The following GPR107 variants were observed in gnomAD, a reference collection of about 807,000 sequenced individuals.
GPR107 encodes G protein-coupled receptor 107.
GPR107 carries 31 observed loss-of-function variants against 75.5 expected under a neutral mutation model. The ratio of observed to expected loss-of-function variants is 0.41; its 90% CI spans 0.31 to 0.55. The LOEUF (loss-of-function observed/expected upper bound fraction) is 0.55, where lower values mean the gene tolerates loss of function less well. GPR107 is among the 20% of genes least tolerant of loss of function. The pLI, the probability that GPR107 is intolerant of heterozygous loss-of-function variation, is 0.26. For missense variants in GPR107, 572 were observed against 665.7 expected (o/e 0.86, Z 1.55); for synonymous variants, 267 against 251.3 (o/e 1.06, Z -0.59).
In GPR107 at chr9:130,101,230, G is replaced by T. The variant is rs376743483; in HGVS notation, c.1131+7G>T. The stretch of plus-strand genomic sequence containing the variant: ...GATTGTCATTCCACTCCAGGTAAAA[G>T]AACCCTCATCCCATTTGTCACTTCC... On this transcript the variant is annotated splice_region_variant and intron_variant, in intron 12 of 17. Transcript: ENST00000347136. 5 of 1,365,878 alleles carry T rather than the reference G, an allele frequency of 3.7e-6. No individual in the cohort carries two copies. The highest frequency in any genetic ancestry group is 5.2e-6 in the Non-Finnish European group (5 of 953,316). The allele number at this position is 1,365,878 out of a possible 1,614,324, so 84.6% of individuals were successfully genotyped here. A position where few individuals can be genotyped will look rare whatever the true frequency, so the allele number is the denominator to read the frequency against.
chr9:130,108,142 A>C (rs926138402), intron 14 of GPR107, among the ~76,000 whole-genome samples: 3 of 152,248 alleles, frequency 2.0e-5, no homozygotes, highest in African/African-American at 7.2e-5. Context: ...AATAATGTTC[A>C]TGACCACAGG....
intron 15 of GPR107, among the ~76,000 whole-genome samples, chr9:130,125,619 T>G (rs1831656979): frequency 1.4e-5 from 1 of 70,182 alleles, no homozygotes; most frequent in African/African-American, 5.7e-5. Flanking sequence ...TTTTTTTTTT[T>G]GAGACGGAGT....
intron 17 of GPR107, among the ~76,000 whole-genome samples, chr9:130,131,317 T>C (rs1233619516): frequency 1.3e-5 from 2 of 152,050 alleles, no homozygotes; most frequent in East Asian, 3.9e-4. Flanking sequence ...CAGGTGTCCC[T>C]TCAGCTTCCC....
chr9:130,069,396 C>T (rs1445134349), intron 1 of GPR107, among the ~76,000 whole-genome samples: 2 of 152,172 alleles, frequency 1.3e-5, no homozygotes, highest in East Asian at 3.9e-4. Context: ...CCTCCATTGC[C>T]TGTGTCAGTG....
chr9:130,070,463 T>G (rs970782638), intron 1 of GPR107, among the ~76,000 whole-genome samples: 4 of 152,068 alleles, frequency 2.6e-5, no homozygotes, highest in African/African-American at 7.2e-5. Context: ...GTCACCATGC[T>G]TGGCTACTTT....
intron 9 of GPR107, among the ~76,000 whole-genome samples, chr9:130,095,971 G>A (rs1008945180): frequency 1.3e-5 from 2 of 152,186 alleles, no homozygotes; most frequent in Non-Finnish European, 2.9e-5. Flanking sequence ...GAGGGGAAAC[G>A]AGAGCCAGTG....
At chr9:130,126,602 G>A (rs191617770) in intron 15 of GPR107, among the ~76,000 whole-genome samples, 20 of 152,108 alleles carry the variant, frequency 1.3e-4, no homozygotes, top group Non-Finnish European at 7.4e-5. Flanking sequence ...CACCCACCTC[G>A]GCCTCCCAAA....
At chr9:130,064,399 A>G (rs951103874) in intron 1 of GPR107, among the ~76,000 whole-genome samples, 11 of 149,496 alleles carry the variant, frequency 7.4e-5, no homozygotes, top group Non-Finnish European at 1.3e-4. Context: ...ACGGGGTTTC[A>G]CCTTGTTAGC....
At chr9:130,062,018 T>G (rs17220973) in intron 1 of GPR107, among the ~76,000 whole-genome samples, 3,224 of 152,198 alleles carry the variant, frequency 0.021, 48 homozygotes, top group Middle Eastern at 0.034. Flanking sequence ...AGAGATTGAT[T>G]GTTCGTGTGC....
chr9:130,076,552 A>C, intron 3 of GPR107, 90 bp downstream of exon 3: 11 of 740,694 alleles, frequency 1.5e-5, no homozygotes, highest in Admixed American at 8.5e-5. Flanking sequence ...TTCCATTTTC[A>C]TTTTTTTTTT....
intron 14 of GPR107, among the ~76,000 whole-genome samples, chr9:130,115,718 G>A (rs1024685722): frequency 7.1e-5 from 10 of 141,418 alleles, no homozygotes; most frequent in South Asian, 2.2e-4. Flanking sequence ...AGCTGAGATC[G>A]CACCACTGCA....
At chr9:130,060,833 T>C (rs1344275321) in intron 1 of GPR107, among the ~76,000 whole-genome samples, 1 of 152,198 alleles carries the variant, frequency 6.6e-6, no homozygotes, top group African/African-American at 2.4e-5. Flanking sequence ...GCATGTAGTT[T>C]AGAGCAGAAC....
chr9:130,134,230 C>G (rs1831898178), intron 17 of GPR107, among the ~76,000 whole-genome samples: 1 of 152,222 alleles, frequency 6.6e-6, no homozygotes, highest in Admixed American at 6.5e-5. Context: ...CATAGACCAG[C>G]TCACCTTCTG....
intron 1 of GPR107, among the ~76,000 whole-genome samples, chr9:130,067,867 C>A (rs905008781): frequency 1.3e-5 from 2 of 150,550 alleles, no homozygotes; most frequent in Non-Finnish European, 2.9e-5. Flanking sequence ...GCCCCAGCCT[C>A]CCAAGCAGCT....
At chr9:130,070,568 T>A (rs2132551506) in intron 1 of GPR107, among the ~76,000 whole-genome samples, 1 of 152,194 alleles carries the variant, frequency 6.6e-6, no homozygotes, top group African/African-American at 2.4e-5. Flanking sequence ...CCCCCCAAAG[T>A]GCTGGGATTA....
At chr9:130,056,490 C>T (rs1483654084) in intron 1 of GPR107, among the ~76,000 whole-genome samples, 4 of 151,842 alleles carry the variant, frequency 2.6e-5, no homozygotes, top group African/African-American at 9.7e-5. Context: ...CATCCGAAGT[C>T]AGGGGTGTCC....
chr9:130,105,236 C>G (rs537117987), intron 13 of GPR107, among the ~76,000 whole-genome samples: 1 of 152,024 alleles, frequency 6.6e-6, no homozygotes, highest in South Asian at 2.1e-4. Flanking sequence ...CCCCGGCCTT[C>G]CATTACAAGT....
intron 14 of GPR107, among the ~76,000 whole-genome samples, chr9:130,119,232 C>T (rs1306703099): frequency 1.3e-5 from 2 of 152,242 alleles, no homozygotes; most frequent in East Asian, 1.9e-4. Context: ...CATCCTGACT[C>T]ATCCTATGCA....
At chr9:130,108,730 T>G (rs978833675) in intron 14 of GPR107, 1 of 456,088 alleles carries the variant, frequency 2.2e-6, no homozygotes, top group Admixed American at 2.3e-5. Flanking sequence ...GTCCTGGGAA[T>G]AGCCCTTCTC....
Sources: allele counts gnomAD v4.1 joint callset (sites outside exome capture counted in the v4.1 genomes callset), GRCh38; gene constraint gnomAD v4.1.1; transcripts MANE v1.5; gene names NCBI Gene and HGNC (gene_info 2026-07-23, HGNC 2026-07-21).